Variants in ZNF322 observed in about 807,000 individuals in gnomAD.
ZNF322 encodes the protein HLA complex group 12.
In ZNF322, 1 loss-of-function variant was observed where a neutral mutation model predicts 18.3. The observed-to-expected ratio is 0.05, with a 90% CI of 0.02 to 0.26. The LOEUF (loss-of-function observed/expected upper bound fraction) is 0.26. ZNF322 is among the 10% of genes least tolerant of loss of function. ZNF322 has a pLI of 1.00. For missense variants in ZNF322, 36 were observed against 403.6 expected (o/e 0.09, Z 7.80); for synonymous variants, 17 against 130.7 (o/e 0.13, Z 5.93).
chr6:26,639,325 A>G (rs137886834), intron 3 of ZNF322, among the ~76,000 whole-genome samples: 1 of 152,280 alleles, frequency 6.6e-6, no homozygotes, highest in Non-Finnish European at 1.5e-5. Context: ...GGCTCTTACT[A>G]TCACTGTTAT....
chr6:26,642,195 T>G (rs1178052490), intron 3 of ZNF322, among the ~76,000 whole-genome samples: 1 of 152,202 alleles, frequency 6.6e-6, no homozygotes, highest in Non-Finnish European at 1.5e-5. Flanking sequence ...AACTTATTTA[T>G]GACACAGAGT....
At chr6:26,643,015 T>C (rs1208803853) in intron 3 of ZNF322, among the ~76,000 whole-genome samples, 7 of 152,206 alleles carry the variant, frequency 4.6e-5, no homozygotes, top group Non-Finnish European at 1.0e-4. Flanking sequence ...TATTTCTTAC[T>C]TTCACAATAG....
chr6:26,645,941 G>A (rs941784189), intron 2 of ZNF322, among the ~76,000 whole-genome samples: 2 of 151,982 alleles, frequency 1.3e-5, no homozygotes, highest in Admixed American at 6.6e-5. Context: ...TGAGGCAGGA[G>A]AATCACTTGA....
At chr6:26,638,943 T>C (rs1765418226) in intron 3 of ZNF322, among the ~76,000 whole-genome samples, 1 of 152,208 alleles carries the variant, frequency 6.6e-6, no homozygotes, top group South Asian at 2.1e-4. Flanking sequence ...CTCTTTTCTC[T>C]ATGAATCTGG....
chr6:26,648,004 G>C (rs1765587378), intron 2 of ZNF322, among the ~76,000 whole-genome samples: 1 of 151,568 alleles, frequency 6.6e-6, no homozygotes, highest in African/African-American at 2.4e-5. Context: ...TCAGCCTCCT[G>C]AATAGCTGGG....
rs1326727185 is a variant in ZNF322, at chr6:26,659,502, A to T, written c.-396T>A. ...CAGCACTTCCGGTTACTCTCCGGAC[A>T]CTCGAATCTGGGCTTCCTGGCGGCC... On this transcript the variant is annotated 5_prime_UTR_variant, in exon 1 of 4. Transcript: ENST00000415922. 6.0e-6 allele frequency: 1 copy of T among 166,624 alleles called. No individual in the cohort carries two copies. The highest frequency in any genetic ancestry group is 1.5e-5 in the Non-Finnish European group (1 of 68,130). 10.3% of individuals were successfully genotyped at this position (166,624 alleles called of 1,614,324 possible). A position where few individuals can be genotyped will look rare whatever the true frequency, so the allele number is the denominator to read the frequency against.
At chr6:26,641,133 T>C (rs1460768261) in intron 3 of ZNF322, among the ~76,000 whole-genome samples, 4 of 152,288 alleles carry the variant, frequency 2.6e-5, no homozygotes, top group Admixed American at 2.0e-4. Context: ...TTCAGCAATT[T>C]GTATGCTTTC....
chr6:26,652,171 T>C (rs1765682554), intron 2 of ZNF322, among the ~76,000 whole-genome samples: 1 of 152,154 alleles, frequency 6.6e-6, no homozygotes, highest in East Asian at 1.9e-4. Context: ...AAAGGTATGA[T>C]CCATGGAGGA....
At chr6:26,638,899 A>T (rs1247138356) in intron 3 of ZNF322, among the ~76,000 whole-genome samples, 171 bp from the exon 4 acceptor site, 2 of 152,208 alleles carry the variant, frequency 1.3e-5, no homozygotes, top group African/African-American at 4.8e-5. Context: ...TATAAAACTG[A>T]TCAGCAATAC....
intron 2 of ZNF322, among the ~76,000 whole-genome samples, chr6:26,649,703 T>TATATATATA (rs1561925009): frequency 2.0e-5 from 2 of 98,932 alleles, no homozygotes; most frequent in Non-Finnish European, 4.1e-5. Flanking sequence ...ATATATATAT[T>TATATATATA]TTTTTTTTTT....
Position 26,636,592 on chromosome 6 carries a change from T to A in ZNF322, c.*753A>T, listed in dbSNP as rs1438954991. On this transcript the variant is annotated 3_prime_UTR_variant, in exon 4 of 4. Coordinates refer to ENST00000415922, the MANE Select transcript of ZNF322 (RefSeq NM_024639.5). ...ATTAAATCTCTCACTGCAGAACAGG[T>A]TTTTTGGGGCCTGATAAGACAGGAG... 3 of 151,322 alleles carry A rather than the reference T, an allele frequency of 2.0e-5. No homozygotes were observed. The highest frequency in any genetic ancestry group is 4.9e-5 in the African/African-American group (2 of 41,110). The allele number at this position is 151,322 out of a possible 1,614,324, so 9.4% of individuals were successfully genotyped here.
At chr6:26,649,671 GTGTGTATATATATATATATA>G (rs1765623491) in intron 2 of ZNF322, among the ~76,000 whole-genome samples, 4 of 37,842 alleles carry the variant, frequency 1.1e-4, no homozygotes, top group African/African-American at 1.1e-4. Flanking sequence ...GTGTGTGTGT[GTGTGTATATATATATATATA>G]TATATATATA....
At chr6:26,655,428 C>G (rs1001821856) in intron 2 of ZNF322, among the ~76,000 whole-genome samples, 3 of 152,066 alleles carry the variant, frequency 2.0e-5, no homozygotes. Context: ...AAGAAGTCCC[C>G]AAAGAAAATG....
rs1356188216 is a variant in ZNF322 at position 26,638,220 on chromosome 6, A to G, written c.334T>C (p.Leu112=). The G allele has an allele frequency of 6.2e-7, 1 of 1,613,778 alleles. No individual in the cohort carries two copies. The highest frequency in any genetic ancestry group is 8.5e-7 in the Non-Finnish European group (1 of 1,179,806). The change falls in exon 4 of 4, where the codon TTA becomes CTA. Residue 112 remains leucine (L), a synonymous_variant. Coordinates refer to ENST00000415922, the MANE Select transcript of ZNF322 (RefSeq NM_024639.5). Reference sequence around the variant, plus strand: ...GTTCTCTGATGTCCTGAAAGCGCTAAGTGATGCCAAAAGCTCTTCTCACAT... The same window carrying G: ...GTTCTCTGATGTCCTGAAAGCGCTAGGTGATGCCAAAAGCTCTTCTCACAT... ...SKCEKSFWHH[L]ALSGHQRTHA...
intron 2 of ZNF322, among the ~76,000 whole-genome samples, chr6:26,656,853 GA>G (rs1173392039): frequency 4.1e-5 from 6 of 146,774 alleles, no homozygotes; most frequent in African/African-American, 7.5e-5. Flanking sequence ...TTAAGAAGAA[GA>G]AAAAAAAAAC....
At chr6:26,640,649 A>C (rs1450370069) in intron 3 of ZNF322, among the ~76,000 whole-genome samples, 1 of 152,176 alleles carries the variant, frequency 6.6e-6, no homozygotes, top group Non-Finnish European at 1.5e-5. Flanking sequence ...TCTCCATAGA[A>C]TGTAAGCCCC....
At chr6:26,642,793 G>T (rs1234888892) in intron 3 of ZNF322, among the ~76,000 whole-genome samples, 2 of 152,178 alleles carry the variant, frequency 1.3e-5, no homozygotes, top group African/African-American at 2.4e-5. Flanking sequence ...CTGGATTCCA[G>T]ATCTACTCCA....
At chr6:26,649,663 G>GTC (rs1765620331) in intron 2 of ZNF322, among the ~76,000 whole-genome samples, 1 of 44,974 alleles carries the variant, frequency 2.2e-5, no homozygotes, top group Non-Finnish European at 4.4e-5. Context: ...GTGTGTGTGT[G>GTC]TGTGTGTGTG....
At chr6:26,645,759 C>T (rs1240266895) in intron 2 of ZNF322, among the ~76,000 whole-genome samples, 1 of 151,970 alleles carries the variant, frequency 6.6e-6, no homozygotes, top group Non-Finnish European at 1.5e-5. Context: ...TGGTCAGGTG[C>T]GGTGGCTCAC....
Sources: allele counts gnomAD v4.1 joint callset (sites outside exome capture counted in the v4.1 genomes callset), GRCh38; gene constraint gnomAD v4.1.1; transcripts MANE v1.5; gene names NCBI Gene and HGNC (gene_info 2026-07-23, HGNC 2026-07-21).